The following ARB2A variants were observed in gnomAD, a reference collection of about 807,000 sequenced individuals.
The protein encoded by ARB2A is cotranscriptional regulator ARB2A.
At chr5:94,049,421 G>A in the ARB2A span, among the ~76,000 whole-genome samples, 6 of 152,180 alleles carry the variant, frequency 3.9e-5, no homozygotes, top group South Asian at 4.2e-4. Flanking sequence ...TTTTAGGCTC[G>A]GCGCAGTGGC....
At chr5:93,902,362 CAT>C in the ARB2A span, among the ~76,000 whole-genome samples, 1 of 152,030 alleles carries the variant, frequency 6.6e-6, no homozygotes. Flanking sequence ...ATATTTTAGA[CAT>C]ATATTTGCTA....
chr5:94,012,458 G>C, the ARB2A span, among the ~76,000 whole-genome samples: 1 of 152,166 alleles, frequency 6.6e-6, no homozygotes, highest in Non-Finnish European at 1.5e-5. Flanking sequence ...TGTGACAGGA[G>C]CATTTTGTGT....
At chr5:93,965,670 CTTAAG>C in the ARB2A span, among the ~76,000 whole-genome samples, 3 of 151,946 alleles carry the variant, frequency 2.0e-5, no homozygotes, top group East Asian at 1.9e-4. Context: ...CCCAAAATGT[CTTAAG>C]TTATCTATGC....
chr5:93,692,065 A>G, the ARB2A span, among the ~76,000 whole-genome samples: 1 of 152,236 alleles, frequency 6.6e-6, no homozygotes, highest in African/African-American at 2.4e-5. Flanking sequence ...CTACCACTGC[A>G]AAAACATACC....
At chr5:93,818,171 T>C in the ARB2A span, among the ~76,000 whole-genome samples, 2 of 149,946 alleles carry the variant, frequency 1.3e-5, no homozygotes, top group Non-Finnish European at 3.0e-5. Flanking sequence ...GGATAGCTAA[T>C]ATAAAAAAAG....
At chr5:93,652,162 G>C in the ARB2A span, among the ~76,000 whole-genome samples, 1 of 152,018 alleles carries the variant, frequency 6.6e-6, no homozygotes, top group Admixed American at 6.6e-5. Flanking sequence ...TCCCAATGTT[G>C]GTAAGGACAT....
chr5:93,651,886 G>A, the ARB2A span, among the ~76,000 whole-genome samples: 1 of 151,944 alleles, frequency 6.6e-6, no homozygotes, highest in Non-Finnish European at 1.5e-5. Context: ...GAGAAGATGA[G>A]GATGCAGAGA....
At chr5:93,965,972 T>G in the ARB2A span, among the ~76,000 whole-genome samples, 3 of 152,066 alleles carry the variant, frequency 2.0e-5, no homozygotes, top group Non-Finnish European at 4.4e-5. Context: ...ACATTAGAAC[T>G]AGGTAATAAA....
the ARB2A span, among the ~76,000 whole-genome samples, chr5:93,811,849 A>G: frequency 1.3e-5 from 2 of 152,142 alleles, no homozygotes; most frequent in Non-Finnish European, 2.9e-5. Context: ...TTCGCAAGAG[A>G]CTCATAAATC....
chr5:93,793,387 A>T, the ARB2A span, among the ~76,000 whole-genome samples: 1 of 151,540 alleles, frequency 6.6e-6, no homozygotes, highest in African/African-American at 2.4e-5. Context: ...GGCAGCCTAC[A>T]TCTTTTAACT....
At chr5:93,972,361 C>T in the ARB2A span, among the ~76,000 whole-genome samples, 11 of 152,038 alleles carry the variant, frequency 7.2e-5, 1 homozygote, top group South Asian at 1.7e-3. Context: ...ACCCTGAAAG[C>T]GCCAAGAAAC....
At chr5:93,741,745 A>T in the ARB2A span, 7 of 656,232 alleles carry the variant, frequency 1.1e-5, no homozygotes, top group Non-Finnish European at 1.7e-5. Flanking sequence ...CCTAGGGTTA[A>T]GGGAGTGAGC....
the ARB2A span, chr5:93,738,131 T>C: frequency 9.4e-6 from 2 of 211,820 alleles, no homozygotes; most frequent in African/African-American, 2.4e-5. Flanking sequence ...GTTTTAAAAA[T>C]AGGCAAAGGA....
chr5:93,980,251 T>C, the ARB2A span, among the ~76,000 whole-genome samples: 2 of 152,184 alleles, frequency 1.3e-5, no homozygotes, highest in Admixed American at 6.5e-5. Flanking sequence ...ATGGTTTTAT[T>C]TGAGCATACA....
chr5:94,061,207 C>A, the ARB2A span, among the ~76,000 whole-genome samples: 1 of 152,024 alleles, frequency 6.6e-6, no homozygotes, highest in Non-Finnish European at 1.5e-5. Flanking sequence ...CACTGCACTC[C>A]AGCCTGGGCG....
chr5:93,840,767 A>G, the ARB2A span, among the ~76,000 whole-genome samples: 36 of 152,228 alleles, frequency 2.4e-4, no homozygotes, highest in Middle Eastern at 3.4e-3. Context: ...ACAGAGATTA[A>G]TTAATTAATT....
At chr5:93,683,322 C>T in the ARB2A span, 7 of 1,603,786 alleles carry the variant, frequency 4.4e-6, no homozygotes, top group Non-Finnish European at 5.9e-6. Context: ...CAGAGTTTCA[C>T]ATCCTCCTCC....
At chr5:93,918,951 A>C in the ARB2A span, among the ~76,000 whole-genome samples, 16,098 of 152,236 alleles carry the variant, frequency 0.11, 984 homozygotes, top group Middle Eastern at 0.16. Flanking sequence ...GTCAAAAGTG[A>C]AACTTGAACA....
chr5:93,757,006 G>A, the ARB2A span, among the ~76,000 whole-genome samples: 1 of 152,114 alleles, frequency 6.6e-6, no homozygotes, highest in African/African-American at 2.4e-5. Context: ...GAAATATTCA[G>A]AAAATAGACA....
Sources: gnomAD v4.1 joint callset for allele counts (sites outside exome capture counted in the v4.1 genomes callset) on GRCh38, gnomAD v4.1.1 for gene constraint, MANE v1.5 for transcripts, NCBI Gene and HGNC (gene_info 2026-07-23, HGNC 2026-07-21) for gene names.